MAP3K7CL: variants seen among roughly 807,000 people sequenced by gnomAD.
The protein encoded by MAP3K7CL is MAP3K7 C-terminal like.
Under a neutral mutation model 18.6 loss-of-function variants are expected in MAP3K7CL, and 16 were observed. The ratio of observed to expected loss-of-function variants is 0.86; its 90% CI spans 0.58 to 1.31. The LOEUF (loss-of-function observed/expected upper bound fraction) is 1.31, where lower values mean the gene tolerates loss of function less well. Ranked by LOEUF, MAP3K7CL falls within the 50% of genes most tolerant of loss-of-function variation. The probability of loss-of-function intolerance (pLI) is 0.00; values close to 1 mark genes in which losing one functional copy is unlikely to be tolerated. For missense variants in MAP3K7CL, 163 were observed against 174.4 expected (o/e 0.93, Z 0.37); for synonymous variants, 65 against 66.8 (o/e 0.97, Z 0.13).
chr21:29,085,109 T>C (rs2085901425), upstream of MAP3K7CL: 1 of 152,222 alleles, frequency 6.6e-6, no homozygotes, highest in Non-Finnish European at 1.5e-5. Context: ...GGGGTCCTTC[T>C]GGACTGAGAA....
intron 2 of MAP3K7CL, among the ~76,000 whole-genome samples, chr21:29,143,838 T>C (rs1384500105): frequency 2.6e-5 from 4 of 152,172 alleles, no homozygotes; most frequent in African/African-American, 9.7e-5. Context: ...CCAGTGAAGA[T>C]GCTGTTTAGA....
chr21:29,115,484 G>GT (rs2086489660), intron 4 of MAP3K7CL, among the ~76,000 whole-genome samples: 1 of 152,192 alleles, frequency 6.6e-6, no homozygotes, highest in African/African-American at 2.4e-5. Context: ...GGCCTCCAGA[G>GT]TTATCCCTGA....
chr21:29,166,841 A>G (rs956349555), intron 4 of MAP3K7CL, among the ~76,000 whole-genome samples: 1 of 152,190 alleles, frequency 6.6e-6, no homozygotes, highest in African/African-American at 2.4e-5. Flanking sequence ...CTTCTTGGCT[A>G]TTGTGAATAA....
rs80021009 is a variant in MAP3K7CL, at chr21:29,156,236, A to G, written c.133-3705A>G. ...CCATTCCCAGCATGGGCTTATAACT[A>G]TGAAAATCTCTCTGACAAGAATAGT... is the stretch of plus-strand genomic sequence containing the variant. On this transcript the variant is annotated intron_variant, in intron 3 of 4. Coordinates refer to ENST00000399928, the MANE Select transcript of MAP3K7CL (RefSeq NM_001286620.2). Among the ~76,000 whole-genome samples, 103 of 152,372 alleles carry G rather than the reference A, an allele frequency of 6.8e-4. 3 individuals carry two copies. The East Asian group carries it at 0.017, about 25-fold the overall frequency.
chr21:29,140,777 G>A (rs906448540), intron 2 of MAP3K7CL, among the ~76,000 whole-genome samples: 2 of 152,116 alleles, frequency 1.3e-5, no homozygotes, highest in African/African-American at 4.8e-5. Context: ...GCTCTTGTTT[G>A]CTCATTTATT....
At chr21:29,092,799 T>G (rs926768565) in intron 4 of MAP3K7CL, among the ~76,000 whole-genome samples, 12 of 152,248 alleles carry the variant, frequency 7.9e-5, no homozygotes, top group African/African-American at 2.9e-4. Context: ...GGCTGCAGTT[T>G]ACAGGAGAAA....
intron 4 of MAP3K7CL, among the ~76,000 whole-genome samples, chr21:29,110,000 G>A (rs2086392115): frequency 6.6e-6 from 1 of 152,114 alleles, no homozygotes; most frequent in African/African-American, 2.4e-5. Flanking sequence ...TGAGTACAAT[G>A]CTGTATAAAG....
upstream of MAP3K7CL, among the ~76,000 whole-genome samples, chr21:29,130,208 G>T (rs1335726965): frequency 6.6e-6 from 1 of 152,164 alleles, no homozygotes; most frequent in African/African-American, 2.4e-5. Flanking sequence ...TTTTAAAAAG[G>T]TTGACAAATC....
intron 2 of MAP3K7CL, among the ~76,000 whole-genome samples, chr21:29,148,129 T>A (rs1438466883): frequency 1.3e-5 from 2 of 151,944 alleles, no homozygotes; most frequent in Non-Finnish European, 2.9e-5. Flanking sequence ...TGTGTCTGTA[T>A]TTTATATGTA....
At chr21:29,117,875 A>G (rs979004671) in intron 4 of MAP3K7CL, among the ~76,000 whole-genome samples, 6 of 118,024 alleles carry the variant, frequency 5.1e-5, no homozygotes, top group Non-Finnish European at 1.2e-4. Flanking sequence ...ACTACCTTCC[A>G]CAGGAAGAAG....
At chr21:29,083,935 A>G (rs1168924277), upstream of MAP3K7CL, among the ~76,000 whole-genome samples, 2 of 147,838 alleles carry the variant, frequency 1.4e-5, no homozygotes, top group African/African-American at 4.9e-5. Context: ...CTAATTCTGA[A>G]ATAATCATTT....
chr21:29,090,056 TCAG>T (rs2085996434), intron 1 of MAP3K7CL, among the ~76,000 whole-genome samples: 1 of 152,244 alleles, frequency 6.6e-6, no homozygotes, highest in Non-Finnish European at 1.5e-5. Flanking sequence ...CATTATTGAA[TCAG>T]TGATGACAGC....
At chr21:29,089,173 A>G (rs1321512186) in intron 1 of MAP3K7CL, among the ~76,000 whole-genome samples, 2 of 76,016 alleles carry the variant, frequency 2.6e-5, no homozygotes, top group African/African-American at 1.1e-4. Flanking sequence ...CGTCTCAAAA[A>G]AAAAAAAAAA....
intron 4 of MAP3K7CL, among the ~76,000 whole-genome samples, chr21:29,113,332 C>G (rs1027846510): frequency 6.6e-6 from 1 of 152,130 alleles, no homozygotes; most frequent in Non-Finnish European, 1.5e-5. Context: ...TTTCTTCCAA[C>G]TCATGCAATA....
intron 4 of MAP3K7CL, 102 bp downstream of exon 4, chr21:29,160,158 G>T: frequency 2.5e-6 from 2 of 789,804 alleles, no homozygotes; most frequent in South Asian, 1.8e-5. Context: ...TGACAGGGAG[G>T]CAAGGGGGTT....
intron 1 of MAP3K7CL, among the ~76,000 whole-genome samples, chr21:29,089,667 C>T (rs2832164): frequency 0.89 from 135,601 of 152,268 alleles, 60,677 homozygotes; most frequent in African/African-American, 0.96. Flanking sequence ...ATTAACCTCA[C>T]AAGGAAACTG....
intron 2 of MAP3K7CL, among the ~76,000 whole-genome samples, chr21:29,134,028 A>C (rs965056439): frequency 6.6e-6 from 1 of 152,204 alleles, no homozygotes; most frequent in African/African-American, 2.4e-5. Context: ...TGAACAAAAG[A>C]CCTCATGTGG....
At chr21:29,137,247 A>G (rs1231078328) in intron 2 of MAP3K7CL, among the ~76,000 whole-genome samples, 1 of 152,200 alleles carries the variant, frequency 6.6e-6, no homozygotes, top group Non-Finnish European at 1.5e-5. Context: ...TTATTTAGGG[A>G]CTAGTTATGC....
At chr21:29,113,842 A>G (rs527836029) in intron 4 of MAP3K7CL, among the ~76,000 whole-genome samples, 2 of 152,170 alleles carry the variant, frequency 1.3e-5, no homozygotes, top group South Asian at 4.1e-4. Context: ...TATAATGCCT[A>G]CTTAAGCATC....
Sources: allele counts gnomAD v4.1 joint callset (sites outside exome capture counted in the v4.1 genomes callset), GRCh38; gene constraint gnomAD v4.1.1; transcripts MANE v1.5; gene names NCBI Gene and HGNC (gene_info 2026-07-23, HGNC 2026-07-21).